DAB2IP: variants seen among roughly 807,000 people sequenced by gnomAD.
DAB2IP encodes the protein DAB2 interacting protein.
A neutral mutation model predicts 107.2 loss-of-function variants in DAB2IP; 28 were observed. That is an observed-to-expected ratio of 0.26 (90% CI 0.19 to 0.36). The LOEUF (loss-of-function observed/expected upper bound fraction) is 0.36, where lower values mean the gene tolerates loss of function less well. Among genes scored for constraint, DAB2IP ranks in the 10% least tolerant of loss-of-function variants. The pLI is 1.00. For missense variants in DAB2IP, 1,400 were observed against 1,644.7 expected (o/e 0.85, Z 2.57); for synonymous variants, 755 against 706.4 (o/e 1.07, Z -1.09).
intron 9 of DAB2IP, among the ~76,000 whole-genome samples, chr9:121,767,965 C>T (rs565322818): frequency 1.1e-4 from 17 of 152,152 alleles, no homozygotes; most frequent in African/African-American, 3.9e-4. Flanking sequence ...GGGGTCTCCA[C>T]TTAGGGTAGG....
chr9:121,648,913 A>T (rs1040325715), upstream of DAB2IP, among the ~76,000 whole-genome samples: 6 of 152,060 alleles, frequency 3.9e-5, no homozygotes, highest in African/African-American at 1.4e-4. Flanking sequence ...TCTCCTGTTC[A>T]GAGAGAGAAA....
intron 2 of DAB2IP, among the ~76,000 whole-genome samples, chr9:121,696,360 T>A (rs1319521814): frequency 6.6e-6 from 1 of 152,182 alleles, no homozygotes; most frequent in Non-Finnish European, 1.5e-5. Context: ...AGAACCCTGT[T>A]TGACTGAATG....
At chr9:121,678,578 G>C (rs953637475) in intron 1 of DAB2IP, 100 bp from the exon 2 acceptor site, 3 of 995,664 alleles carry the variant, frequency 3.0e-6, no homozygotes, top group South Asian at 2.5e-5. Context: ...TCTAGGGACC[G>C]GTTTGTCTGT....
At chr9:121,778,141 A>G (rs1008591809) in intron 14 of DAB2IP, among the ~76,000 whole-genome samples, 4 of 152,248 alleles carry the variant, frequency 2.6e-5, no homozygotes, top group Non-Finnish European at 5.9e-5. Flanking sequence ...TCTCTGCTTC[A>G]TATTATAGTG....
Position 121,756,994 on chromosome 9 carries a change from A to C in DAB2IP, c.363-19A>C, listed in dbSNP as rs1256842923. On this transcript the variant is annotated intron_variant, in intron 3 of 15. Coordinates refer to ENST00000408936, the Ensembl canonical transcript of DAB2IP. Reference sequence around the variant, plus strand: ...CCCGGGCTGTGGGGGCCCACCTGACACACCTACTGCCACCCCAGGTCCCAT... The same window carrying C: ...CCCGGGCTGTGGGGGCCCACCTGACCCACCTACTGCCACCCCAGGTCCCAT... 6.2e-7 allele frequency: 1 copy of C among 1,613,526 alleles called. No individual in the cohort carries two copies.
At chr9:121,601,739 T>A (rs1207306409) in intron 1 of DAB2IP, among the ~76,000 whole-genome samples, 1 of 152,158 alleles carries the variant, frequency 6.6e-6, no homozygotes, top group Admixed American at 6.5e-5. Flanking sequence ...TTATTTTGCA[T>A]ATAAGAAACA....
intron 14 of DAB2IP, 147 bp from the exon 15 acceptor site, chr9:121,781,317 G>C: frequency 1.4e-6 from 1 of 713,136 alleles, no homozygotes; most frequent in Non-Finnish European, 2.3e-6. Flanking sequence ...CTCTGCCCCA[G>C]GCAAGTATGG....
chr9:121,646,612 C>T (rs866089635), upstream of DAB2IP, among the ~76,000 whole-genome samples: 4 of 151,514 alleles, frequency 2.6e-5, no homozygotes, highest in African/African-American at 9.7e-5. Context: ...GGGACTTCCC[C>T]GGTCACCACC....
chr9:121,648,331 A>G (rs547197418), upstream of DAB2IP, among the ~76,000 whole-genome samples: 90 of 152,320 alleles, frequency 5.9e-4, no homozygotes, highest in African/African-American at 1.8e-3. Context: ...GGAATGCACC[A>G]GGTGGGTGCA....
chr9:121,699,826 G>A lies in DAB2IP; in HGVS notation c.362+368G>A, dbSNP rs999276137. Among the ~76,000 whole-genome samples the A allele has an allele frequency of 9.2e-5, 14 of 152,210 alleles. No individual in the cohort carries two copies. Among genetic ancestry groups the A allele is most frequent in the Non-Finnish European group, 1.5e-5 (1 of 68,030 alleles). On this transcript the variant is annotated intron_variant, in intron 3 of 15. Transcript: ENST00000408936. The surrounding 1 kb of genome is among the most constrained non-coding windows in gnomAD (Gnocchi z 6.2). The stretch of plus-strand genomic sequence containing the variant: ...ACGGAAGTGGGGCCTCTGCCGCCAG[G>A]ACCCATCCCCCTGCCTTGGGAGCCC...
intron 8 of DAB2IP, among the ~76,000 whole-genome samples, chr9:121,766,076 C>T (rs938387759): frequency 6.6e-6 from 1 of 152,220 alleles, no homozygotes; most frequent in African/African-American, 2.4e-5. Flanking sequence ...CCCCTAGACC[C>T]AGATGCCTGC....
At chr9:121,580,387 A>G (rs1830164620) in intron 1 of DAB2IP, among the ~76,000 whole-genome samples, 1 of 152,184 alleles carries the variant, frequency 6.6e-6, no homozygotes, top group African/African-American at 2.4e-5. Context: ...AAAGATAACC[A>G]GAGACCTAAG....
At chr9:121,739,666 A>G (rs2118888202) in intron 3 of DAB2IP, among the ~76,000 whole-genome samples, 1 of 152,302 alleles carries the variant, frequency 6.6e-6, no homozygotes, top group Non-Finnish European at 1.5e-5. Context: ...CTGAGGCTCC[A>G]CGCTGGACAT....
At chr9:121,644,670 AAGCTGCTTGTC>A (rs1336308492) in intron 1 of DAB2IP, among the ~76,000 whole-genome samples, 1 of 152,214 alleles carries the variant, frequency 6.6e-6, no homozygotes, top group Non-Finnish European at 1.5e-5. Flanking sequence ...CCAGGAGGGG[AAGCTGCTTGTC>A]AGTTTATACG....
chr9:121,776,654 T>G lies in DAB2IP; in HGVS notation c.3314+263T>G, dbSNP rs1393582519. Among the ~76,000 whole-genome samples the G allele has an allele frequency of 1.3e-5, 2 of 152,086 alleles. No homozygotes were observed. The highest frequency in any genetic ancestry group is 1.3e-4 in the Admixed American group (2 of 15,276). On this transcript the variant is annotated intron_variant, in intron 14 of 15. Transcript: ENST00000408936. The surrounding 1 kb of genome is among the most constrained non-coding windows in gnomAD (Gnocchi z 5.4). The stretch of plus-strand genomic sequence containing the variant: ...AGCTGGCTCCCGACGGGCCTGAGCC[T>G]CTACAAGGAGCCATACCATCTTAGT...
intron 12 of DAB2IP, 58 bp from the exon 13 acceptor site, chr9:121,774,202 G>A (rs866503045): frequency 3.1e-5 from 45 of 1,454,936 alleles, no homozygotes; most frequent in Middle Eastern, 3.7e-4. Flanking sequence ...GGCCACTCCC[G>A]CCCCTCCTGC....
chr9:121,724,441 C>T (rs1389467511), intron 3 of DAB2IP, among the ~76,000 whole-genome samples: 1 of 152,208 alleles, frequency 6.6e-6, no homozygotes, highest in Non-Finnish European at 1.5e-5. Flanking sequence ...CAAACACAGC[C>T]CCCTCCCATC....
chr9:121,645,796 G>A (rs538995746), intron 1 of DAB2IP, among the ~76,000 whole-genome samples: 4 of 152,268 alleles, frequency 2.6e-5, no homozygotes, highest in South Asian at 4.1e-4. Flanking sequence ...ACAGGCTGTC[G>A]ACGTGTACGA....
intron 3 of DAB2IP, among the ~76,000 whole-genome samples, chr9:121,723,997 G>A (rs1300091023): frequency 1.3e-5 from 2 of 152,144 alleles, no homozygotes; most frequent in East Asian, 1.9e-4. Flanking sequence ...CAGAGCCTGG[G>A]CCCATGTTGG....
Sources: allele counts gnomAD v4.1 joint callset (sites outside exome capture counted in the v4.1 genomes callset), GRCh38; gene constraint gnomAD v4.1.1; non-coding constraint Gnocchi (gnomAD v3.1); transcripts MANE v1.5; gene names NCBI Gene and HGNC (gene_info 2026-07-23, HGNC 2026-07-21).